CSMD2: variants seen among roughly 807,000 people sequenced by gnomAD.
CSMD2 encodes the protein CUB and Sushi multiple domains 2.
Under a neutral mutation model 398.5 loss-of-function variants are expected in CSMD2, and 130 were observed. The ratio of observed to expected loss-of-function variants is 0.33; its 90% confidence interval spans 0.28 to 0.38. CSMD2 has a LOEUF of 0.38. Ranked by LOEUF, CSMD2 falls within the 10% of genes least tolerant of loss-of-function variation. The pLI is 1.00. For synonymous variants in CSMD2, 1,828 were observed against 1,908.5 expected, an observed-to-expected ratio of 0.96 and a Z score of 1.10; for missense variants, 3,829 against 4,764.9, an observed-to-expected ratio of 0.80 and a Z score of 5.78.
chr1:33,779,410 G>A (rs1652410975), intron 12 of CSMD2, among the ~76,000 whole-genome samples: 1 of 152,158 alleles, frequency 6.6e-6, no homozygotes, highest in Non-Finnish European at 1.5e-5. Context: ...AAATGGAAAT[G>A]GTAATAACAA....
intron 1 of CSMD2, among the ~76,000 whole-genome samples, chr1:34,153,703 G>C (rs530231541): frequency 1.3e-5 from 2 of 152,322 alleles, no homozygotes; most frequent in South Asian, 4.1e-4. Flanking sequence ...ACAGGGCCTT[G>C]AGCCAGAAAC....
At position 33,731,939 on chromosome 1, in the gene CSMD2, G is replaced by A. The variant is rs577325656; in HGVS notation, c.2369-5254C>T. ...CCAGAACCAGCAGGGTGGTTGTGGG[G>A]GAATGGGTGGGGATATAAATGAAAA... On this transcript the variant is annotated intron_variant, in intron 15 of 70. Transcript: ENST00000373381. Among the ~76,000 whole-genome samples, 309 of 152,276 alleles carry A rather than the reference G, an allele frequency of 2.0e-3. 3 individuals are homozygous for A. Among genetic ancestry groups the A allele is most frequent in the African/African-American group, 7.1e-3 (293 of 41,536 alleles).
chr1:33,534,868 C>T (rs535125939), intron 62 of CSMD2, among the ~76,000 whole-genome samples: 74 of 152,324 alleles, frequency 4.9e-4, no homozygotes, highest in African/African-American at 1.6e-3. Flanking sequence ...CCTCTTGGTT[C>T]TGCCTACAAA....
intron 41 of CSMD2, among the ~76,000 whole-genome samples, chr1:33,609,648 G>T (rs953822400): frequency 6.6e-6 from 1 of 152,032 alleles, no homozygotes; most frequent in African/African-American, 2.4e-5. Context: ...AAATATGTTT[G>T]TAAATTGTTT....
In CSMD2 at chr1:33,635,784, C is replaced by T. The variant is rs776144233; in HGVS notation, c.4970-454G>A. 1.1e-4 allele frequency among the ~76,000 whole-genome samples: 16 copies of T among 152,162 alleles called. No individual in the cohort carries two copies. Among genetic ancestry groups the T allele is most frequent in the Non-Finnish European group, 1.9e-4 (13 of 68,022 alleles). On this transcript the variant is annotated intron_variant, in intron 30 of 70. Transcript: ENST00000373381. This position sits in a 1 kb window ranked among gnomAD's most constrained non-coding sequence, Gnocchi z 5.0. ...GAGTGGCCAGCCCATGTGACCCAGCCACCTTCTGTTCCTCTCCAAGGTGCC... is the reference window on the plus strand; with the variant it reads ...GAGTGGCCAGCCCATGTGACCCAGCTACCTTCTGTTCCTCTCCAAGGTGCC...
Position 33,624,690 on chromosome 1 carries a change from G to A in CSMD2, c.5501-47C>T, listed in dbSNP as rs374845821. On this transcript the variant is annotated intron_variant, in intron 34 of 70. Transcript: ENST00000373381. This position sits in a 1 kb window ranked among gnomAD's most constrained non-coding sequence, Gnocchi z 4.7. ...TCAGAGGCTTTGTGGCCTCCCGTGG[G>A]AGCCTTCCCAAGCTGACTCCTCCCT... 181 of 1,587,880 alleles carry A rather than the reference G, an allele frequency of 1.1e-4. 1 individual carries two copies. The African/African-American group carries it at 2.3e-3, about 20-fold the overall frequency.
intron 3 of CSMD2, among the ~76,000 whole-genome samples, chr1:34,025,346 A>G (rs1649506537): frequency 6.6e-6 from 1 of 152,084 alleles, no homozygotes; most frequent in Non-Finnish European, 1.5e-5. Context: ...GACTAGGGAG[A>G]GAGCACAAAT....
intron 35 of CSMD2, among the ~76,000 whole-genome samples, chr1:33,623,867 T>C (rs1350797491): frequency 6.6e-6 from 1 of 152,220 alleles, no homozygotes; most frequent in Non-Finnish European, 1.5e-5. Context: ...CAGATCTGTC[T>C]GCTGGACTCC....
rs1053819725 is a variant in CSMD2, at chr1:34,035,201, AG to A, written c.405-2496del. 2.7e-4 allele frequency among the ~76,000 whole-genome samples: 41 copies of A among 152,324 alleles called. 1 individual carries two copies. The highest frequency in any genetic ancestry group is 2.4e-3 in the Admixed American group (37 of 15,296). Reference sequence around the variant, plus strand: ...CACTTGAATAGCCCTATAACTATTAAGGAGATTGAATTAGTAATTTTAAAAC... The same window carrying A: ...CACTTGAATAGCCCTATAACTATTAAGAGATTGAATTAGTAATTTTAAAAC... On this transcript the variant is annotated intron_variant, in intron 2 of 70. Transcript: ENST00000373381.
At chr1:33,854,109 C>T (rs1638905207) in intron 5 of CSMD2, among the ~76,000 whole-genome samples, 1 of 152,222 alleles carries the variant, frequency 6.6e-6, no homozygotes, top group African/African-American at 2.4e-5. Context: ...ACTTCCTACT[C>T]ATCGTGCAGG....
At chr1:33,679,868 T>C (rs915109782) in intron 25 of CSMD2, among the ~76,000 whole-genome samples, 15 of 152,152 alleles carry the variant, frequency 9.9e-5, no homozygotes, top group Non-Finnish European at 2.2e-4. Flanking sequence ...CATTTTATCA[T>C]ATGAAAGCAT....
intron 4 of CSMD2, among the ~76,000 whole-genome samples, chr1:33,921,028 C>T (rs533636696): frequency 7.9e-5 from 12 of 152,204 alleles, no homozygotes; most frequent in East Asian, 5.8e-4. Flanking sequence ...TAGGCAGGAC[C>T]GTCTGAACTG....
Position 33,528,596 on chromosome 1 carries a change from G to C in CSMD2, c.10172-1338C>G, listed in dbSNP as rs571218062. 3.8e-3 allele frequency among the ~76,000 whole-genome samples: 577 copies of C among 152,312 alleles called. 11 individuals carry two copies. The highest frequency in any genetic ancestry group is 5.8e-3 in the Admixed American group (89 of 15,306). On this transcript the variant is annotated intron_variant, in intron 64 of 70. Coordinates refer to ENST00000373381, the MANE Select transcript of CSMD2 (RefSeq NM_001281956.2). ...AAGAAGGAGAAAGCATCTTATGTGC[G>C]AGGTGCTGTGATAGGCACTTCTTCA...
In CSMD2 at chr1:33,961,777, C is replaced by T. The variant is rs539222717; in HGVS notation, c.518-25823G>A. On this transcript the variant is annotated intron_variant, in intron 3 of 70. Transcript: ENST00000373381. ...TTTCTCCCTCTCTTGCCATGGGACA[C>T]GCTGGCTTCCCTTCACCTTCCCCCA... Among the ~76,000 whole-genome samples the T allele has an allele frequency of 1.8e-4, 27 of 152,246 alleles. 1 individual carries two copies. In the South Asian group the frequency reaches 5.0e-3, roughly 28 times the overall value.
In CSMD2 at chr1:33,792,435, G is replaced by A. The variant is rs1654438554; in HGVS notation, c.1538C>T (p.Thr513Ile). The A allele has an allele frequency of 6.2e-7, 1 of 1,612,956 alleles. No individual in the cohort carries two copies. The highest frequency in any genetic ancestry group is 8.5e-7 in the Non-Finnish European group (1 of 1,179,090). Residue 513 changes from threonine (T) to isoleucine (I), a missense_variant, in exon 11 of 71, where the codon ACA (threonine) becomes ATA (isoleucine). Around this residue, in one of 5 missense-constraint regions of CSMD2, gnomAD observed 2,001 missense variants for 2,567.1 expected, o/e 0.78. Transcript: ENST00000373381. ...GDGGQDGDQK[T>I]VLYILTGTSV... ...CCACTGCACTTACATGTAGAGAACT[G>A]TCTTCTGGTCCCCATCCTGACCACC...
chr1:34,150,481 T>C (rs1216903455), intron 1 of CSMD2, among the ~76,000 whole-genome samples: 1 of 152,094 alleles, frequency 6.6e-6, no homozygotes, highest in African/African-American at 2.4e-5. Flanking sequence ...CCCTCCCTAC[T>C]TGTGTGGTCT....
chr1:33,700,771 C>G (rs1250024398), intron 22 of CSMD2, 98 bp from the exon 23 acceptor site: 12 of 1,150,454 alleles, frequency 1.0e-5, no homozygotes, highest in Non-Finnish European at 1.5e-5. Flanking sequence ...GAGTTTAGCA[C>G]TGGTAACAAC....
chr1:34,084,834 G>A (rs1372999390), intron 2 of CSMD2, among the ~76,000 whole-genome samples: 1 of 152,064 alleles, frequency 6.6e-6, no homozygotes, highest in Non-Finnish European at 1.5e-5. Flanking sequence ...ATTCCTCAGG[G>A]ATCTAGAACT....
At chr1:33,741,918 G>A (rs1374075353) in intron 14 of CSMD2, among the ~76,000 whole-genome samples, 2 of 152,154 alleles carry the variant, frequency 1.3e-5, no homozygotes, top group Non-Finnish European at 2.9e-5. Context: ...CTCCGCCAGG[G>A]CAAGAGAAAG....
Sources: allele counts gnomAD v4.1 joint callset (sites outside exome capture counted in the v4.1 genomes callset), GRCh38; gene constraint gnomAD v4.1.1; regional missense constraint gnomAD v4.1.1; non-coding constraint Gnocchi (gnomAD v3.1); transcripts MANE v1.5; gene names NCBI Gene and HGNC (gene_info 2026-07-23, HGNC 2026-07-21).